Variants in HDAC9 observed in about 807,000 individuals in gnomAD.
HDAC9 encodes the protein histone deacetylase 9.
A neutral mutation model predicts 139.4 loss-of-function variants in HDAC9; 41 were observed. The observed-to-expected ratio is 0.29, with a 90% CI of 0.23 to 0.38. The LOEUF (loss-of-function observed/expected upper bound fraction) is 0.38. Among genes scored for constraint, HDAC9 ranks in the 10% least tolerant of loss-of-function variants. HDAC9 has a pLI of 1.00. For missense variants in HDAC9, 1,147 were observed against 1,297.0 expected (o/e 0.88, Z 1.78); for synonymous variants, 517 against 476.2 (o/e 1.09, Z -1.12).
At chr7:18,462,763 T>C (rs1793959664) in intron 1 of HDAC9, among the ~76,000 whole-genome samples, 1 of 152,066 alleles carries the variant, frequency 6.6e-6, no homozygotes, top group Non-Finnish European at 1.5e-5. Context: ...TGAATATATA[T>C]GACAATTTAC....
chr7:18,540,348 A>G (rs915561764), intron 2 of HDAC9, among the ~76,000 whole-genome samples: 1 of 151,822 alleles, frequency 6.6e-6, no homozygotes, highest in Non-Finnish European at 1.5e-5. Flanking sequence ...TTTCTTACAT[A>G]TAACACTGTC....
intron 1 of HDAC9, chr7:18,327,415 A>G (rs560278977): frequency 6.6e-6 from 1 of 151,942 alleles, no homozygotes. Context: ...GAACTATATG[A>G]AATTGCTGAT....
chr7:18,542,955 TTA>T (rs1308935752), intron 2 of HDAC9, among the ~76,000 whole-genome samples: 1 of 152,182 alleles, frequency 6.6e-6, no homozygotes, highest in Non-Finnish European at 1.5e-5. Flanking sequence ...CATGGTATAT[TTA>T]TGTCATGCAA....
chr7:18,597,924 A>G (rs182559048), intron 6 of HDAC9, among the ~76,000 whole-genome samples: 47 of 152,314 alleles, frequency 3.1e-4, no homozygotes, highest in Non-Finnish European at 1.0e-4. Context: ...AAAGATGGAA[A>G]GAGTCCAAAC....
chr7:18,945,812 G>A (rs1214118682), intron 23 of HDAC9, among the ~76,000 whole-genome samples: 2 of 151,646 alleles, frequency 1.3e-5, no homozygotes, highest in Non-Finnish European at 1.5e-5. Flanking sequence ...GCCAAGGTGG[G>A]CGAATCACGA....
intron 16 of HDAC9, among the ~76,000 whole-genome samples, chr7:18,784,647 A>AT (rs11412900): frequency 0.78 from 119,096 of 151,828 alleles, 47,440 homozygotes; most frequent in Non-Finnish European, 0.85. Flanking sequence ...GGTTTTTATC[A>AT]TTTAATTCAT....
chr7:18,631,037 T>A (rs1782161483), intron 7 of HDAC9, among the ~76,000 whole-genome samples: 1 of 152,106 alleles, frequency 6.6e-6, no homozygotes, highest in Non-Finnish European at 1.5e-5. Context: ...CCCAATGTGC[T>A]TTTCTGTGTT....
At chr7:18,759,312 A>G (rs1480710257) in intron 14 of HDAC9, among the ~76,000 whole-genome samples, 1 of 152,102 alleles carries the variant, frequency 6.6e-6, no homozygotes, top group Non-Finnish European at 1.5e-5. Context: ...GAGTGAGTGA[A>G]GCTTCATCTG....
intron 13 of HDAC9, among the ~76,000 whole-genome samples, chr7:18,745,229 T>A (rs1299867002): frequency 6.6e-6 from 1 of 152,218 alleles, no homozygotes; most frequent in Admixed American, 6.5e-5. Context: ...CCAGTCTACC[T>A]GTTAACACCT....
intron 12 of HDAC9, among the ~76,000 whole-genome samples, chr7:18,687,930 AC>A (rs1397457079): frequency 1.3e-5 from 2 of 151,848 alleles, no homozygotes; most frequent in Non-Finnish European, 2.9e-5. Flanking sequence ...TGGCTAGATA[AC>A]TTTTTACTTT....
chr7:18,777,380 A>G (rs1353695967), intron 16 of HDAC9, among the ~76,000 whole-genome samples: 1 of 151,962 alleles, frequency 6.6e-6, no homozygotes, highest in African/African-American at 2.4e-5. Context: ...GTCTTCTTGA[A>G]TGACATTGTC....
intron 6 of HDAC9, among the ~76,000 whole-genome samples, chr7:18,614,051 G>GATCCTACTTCTT (rs1837918301): frequency 6.6e-6 from 1 of 151,930 alleles, no homozygotes; most frequent in African/African-American, 2.4e-5. Context: ...TAAAGACTTT[G>GATCCTACTTCTT]ATCCTACTTC....
rs534099403 is a variant in HDAC9, at chr7:18,235,793, GCTATTAAGAGACAA to G, written c.25+73445_25+73458del. Among the ~76,000 whole-genome samples, 38 of 152,250 alleles carry G rather than the reference GCTATTAAGAGACAA, an allele frequency of 2.5e-4. No individual in the cohort carries two copies. The South Asian group carries it at 7.7e-3, about 31-fold the overall frequency. On this transcript the variant is annotated intron_variant, in intron 2 of 12. Transcript: ENST00000417496. ...TAAAGAACTTACCTAAGGTCACAAT[GCTATTAAGAGACAA>G]AGACTGATTATTTCTAGTCATTTCT... is the stretch of plus-strand genomic sequence containing the variant.
rs1368792221 is a variant in HDAC9 at position 18,317,930 on chromosome 7, C to T, written c.-42+27415C>T. 2.0e-5 allele frequency among the ~76,000 whole-genome samples: 3 copies of T among 152,272 alleles called. No individual in the cohort carries two copies. In the South Asian group the frequency reaches 6.2e-4, roughly 32 times the overall value. ...CTTGCATAAATGGCCTGTATACAGG[C>T]TCTTTAAAATGGTTGGTAAGAGTGG... On this transcript the variant is annotated intron_variant, in intron 1 of 3. Transcript: ENST00000413509.
intron 1 of HDAC9, among the ~76,000 whole-genome samples, chr7:18,127,695 C>T (rs1201748512): frequency 1.3e-5 from 2 of 152,080 alleles, no homozygotes; most frequent in Non-Finnish European, 2.9e-5. Flanking sequence ...CAGGGTAACT[C>T]TAGAGGCCAA....
At chr7:18,512,258 T>G (rs1032921020) in intron 2 of HDAC9, among the ~76,000 whole-genome samples, 1 of 152,124 alleles carries the variant, frequency 6.6e-6, no homozygotes, top group East Asian at 1.9e-4. Context: ...ACATGAGCAT[T>G]CAATAAGATG....
chr7:18,579,574 T>C (rs940976470), intron 2 of HDAC9, among the ~76,000 whole-genome samples: 1 of 152,226 alleles, frequency 6.6e-6, no homozygotes, highest in Non-Finnish European at 1.5e-5. Context: ...ATATGTCGCA[T>C]TGCCAGTGTT....
chr7:18,157,815 G>GAC (rs1353531568), intron 1 of HDAC9, among the ~76,000 whole-genome samples: 2 of 115,506 alleles, frequency 1.7e-5, no homozygotes, highest in Non-Finnish European at 3.8e-5. Flanking sequence ...GAGAGAGAGA[G>GAC]AGAGAGAGAG....
chr7:18,786,806 T>G (rs1791850296), intron 16 of HDAC9, among the ~76,000 whole-genome samples: 1 of 90,840 alleles, frequency 1.1e-5, no homozygotes. Context: ...TTTCCTTCCT[T>G]CCTTCCTTCC....
Sources: gnomAD v4.1 joint callset for allele counts (sites outside exome capture counted in the v4.1 genomes callset) on GRCh38, gnomAD v4.1.1 for gene constraint, MANE v1.5 for transcripts, NCBI Gene and HGNC (gene_info 2026-07-23, HGNC 2026-07-21) for gene names.